MME: variants seen among roughly 807,000 people sequenced by gnomAD.
MME encodes membrane metalloendopeptidase, also known as neprilysin.
In MME, 98 loss-of-function variants were observed where a neutral mutation model predicts 113.2. The observed-to-expected ratio is 0.87, with a 90% CI of 0.74 to 1.02. The LOEUF (loss-of-function observed/expected upper bound fraction) is 1.02, where lower values mean the gene tolerates loss of function less well. Among genes scored for constraint, MME ranks in the 50% least tolerant of loss-of-function variants. The pLI is 0.00. For synonymous variants in MME, 292 were observed against 300.6 expected (o/e 0.97, Z 0.30); for missense variants, 836 against 896.0 (o/e 0.93, Z 0.86).
chr3:155,088,230 A>G (rs1442344772), intron 3 of MME, among the ~76,000 whole-genome samples: 1 of 152,022 alleles, frequency 6.6e-6, no homozygotes, highest in African/African-American at 2.4e-5. Context: ...ACACACACAC[A>G]CAGTCTTCTG....
At chr3:155,037,386 A>C (rs1559888340) in intron 1 of MME, among the ~76,000 whole-genome samples, 1 of 152,340 alleles carries the variant, frequency 6.6e-6, no homozygotes, top group East Asian at 1.9e-4. Flanking sequence ...ATTGAACTAC[A>C]AAGAAATTGA....
intron 20 of MME, among the ~76,000 whole-genome samples, chr3:155,170,765 G>T (rs1339220240): frequency 6.6e-6 from 1 of 151,894 alleles, no homozygotes; most frequent in African/African-American, 2.4e-5. Context: ...TGAACTCTCA[G>T]CTCCTTATCC....
chr3:155,110,479 A>G (rs1718103013), intron 3 of MME, among the ~76,000 whole-genome samples: 1 of 152,242 alleles, frequency 6.6e-6, no homozygotes, highest in Non-Finnish European at 1.5e-5. Flanking sequence ...AGTAATTAAT[A>G]ACTTCCCAGA....
intron 8 of MME, among the ~76,000 whole-genome samples, chr3:155,132,627 C>T (rs887346941): frequency 2.0e-5 from 3 of 152,030 alleles, no homozygotes; most frequent in Non-Finnish European, 4.4e-5. Context: ...AAGAAATCTA[C>T]CTTATGACTG....
At chr3:155,107,129 G>A (rs1435354710) in intron 3 of MME, among the ~76,000 whole-genome samples, 1 of 152,176 alleles carries the variant, frequency 6.6e-6, no homozygotes, top group African/African-American at 2.4e-5. Flanking sequence ...ACTGAGGCGG[G>A]TGGATCACGA....
intron 8 of MME, 59 bp from the exon 9 acceptor site, chr3:155,138,043 A>C: frequency 6.4e-7 from 1 of 1,574,744 alleles, no homozygotes; most frequent in Non-Finnish European, 8.7e-7. Flanking sequence ...ATAAATTTTA[A>C]GTACCATGAT....
intron 1 of MME, among the ~76,000 whole-genome samples, chr3:155,066,056 A>G (rs1359716675): frequency 1.3e-5 from 2 of 152,224 alleles, no homozygotes; most frequent in Non-Finnish European, 2.9e-5. Flanking sequence ...CAGGAAGACA[A>G]TTCTAGATGT....
At chr3:155,079,326 T>C (rs974379197), upstream of MME, among the ~76,000 whole-genome samples, 3 of 151,978 alleles carry the variant, frequency 2.0e-5, no homozygotes, top group African/African-American at 7.3e-5. Flanking sequence ...GCAAGCATTA[T>C]AGTCTCCGGT....
upstream of MME, chr3:155,079,640 G>GC (rs1714937834): frequency 9.4e-6 from 1 of 106,230 alleles, no homozygotes; most frequent in Non-Finnish European, 2.0e-5. Context: ...TGGGGGGGGT[G>GC]GGCCGTGAGA....
intron 3 of MME, among the ~76,000 whole-genome samples, chr3:155,103,936 G>T (rs546575386): frequency 1.2e-4 from 19 of 152,274 alleles, no homozygotes; most frequent in Admixed American, 1.2e-3. Context: ...TTACCTCTAG[G>T]TTAGGAGGAG....
chr3:155,087,070 T>A (rs1715813456), intron 3 of MME, among the ~76,000 whole-genome samples: 1 of 150,590 alleles, frequency 6.6e-6, no homozygotes, highest in South Asian at 2.1e-4. Context: ...ACTCCTGAGA[T>A]CAAGCAGTCC....
At position 155,167,101 on chromosome 3, in the gene MME, C is replaced by T. The variant is rs545182549; in HGVS notation, c.1780+80C>T. 10 of 1,499,316 alleles carry T rather than the reference C, an allele frequency of 6.7e-6. No individual in the cohort carries two copies. The East Asian group carries it at 2.1e-4, about 31-fold the overall frequency. The allele number at this position is 1,499,316 out of a possible 1,614,324, so 92.9% of individuals were successfully genotyped here. A position where few individuals can be genotyped will look rare whatever the true frequency, so the allele number is the denominator to read the frequency against. ...TAAGAGTTATTATAATTTATTACTA[C>T]AAAGCTACATTTATTCAAACATGTA... is the stretch of plus-strand genomic sequence containing the variant. On this transcript the variant is annotated intron_variant, in intron 18 of 22. Coordinates refer to ENST00000360490, the MANE Select transcript of MME (RefSeq NM_007289.4).
At chr3:155,098,433 G>A (rs1020274132) in intron 3 of MME, among the ~76,000 whole-genome samples, 18 of 152,000 alleles carry the variant, frequency 1.2e-4, no homozygotes, top group Admixed American at 8.5e-4. Context: ...GTGCCCGCCT[G>A]TAGTCCCAGC....
chr3:155,145,723 G>A (rs896367005), intron 14 of MME, among the ~76,000 whole-genome samples: 10 of 152,096 alleles, frequency 6.6e-5, no homozygotes, highest in African/African-American at 1.2e-4. Flanking sequence ...ATGTTTTTGC[G>A]ACAGCATTTA....
At chr3:155,180,256 C>G in intron 22 of MME, 104 bp from the exon 23 acceptor site, 1 of 859,534 alleles carries the variant, frequency 1.2e-6, no homozygotes. Flanking sequence ...CTTTAAATTC[C>G]AAATTCATTC....
intron 1 of MME, among the ~76,000 whole-genome samples, chr3:155,053,895 T>G (rs928842609): frequency 6.6e-6 from 1 of 152,238 alleles, no homozygotes; most frequent in African/African-American, 2.4e-5. Flanking sequence ...GACCTTGAGC[T>G]GAATGCAGTT....
intron 8 of MME, among the ~76,000 whole-genome samples, chr3:155,126,389 A>G (rs189132624): frequency 2.2e-3 from 327 of 145,840 alleles, no homozygotes; most frequent in Admixed American, 4.3e-3. Flanking sequence ...GTCGATGTAT[A>G]TATTTAAGGC....
At chr3:155,124,621 T>C (rs978507390) in intron 8 of MME, among the ~76,000 whole-genome samples, 1 of 152,038 alleles carries the variant, frequency 6.6e-6, no homozygotes, top group African/African-American at 2.4e-5. Flanking sequence ...TTCTGTTTGT[T>C]AGTTTTCCTT....
intron 1 of MME, among the ~76,000 whole-genome samples, chr3:155,074,507 C>T (rs1714681482): frequency 6.6e-6 from 1 of 151,994 alleles, no homozygotes; most frequent in South Asian, 2.1e-4. Flanking sequence ...CCTCAGCTCA[C>T]TGCAATCTCC....
Sources: gnomAD v4.1 joint callset for allele counts (sites outside exome capture counted in the v4.1 genomes callset) on GRCh38, gnomAD v4.1.1 for gene constraint, MANE v1.5 for transcripts, NCBI Gene and HGNC (gene_info 2026-07-23, HGNC 2026-07-21) for gene names.